TBCCD1: variants seen among roughly 807,000 people sequenced by gnomAD.
TBCCD1 encodes TBCC domain-containing protein 1.
In TBCCD1, 26 loss-of-function variants were observed where a neutral mutation model predicts 53.4. The ratio of observed to expected loss-of-function variants is 0.49; its 90% CI spans 0.36 to 0.68. The LOEUF (loss-of-function observed/expected upper bound fraction) is 0.68. Ranked by LOEUF, TBCCD1 falls within the 30% of genes least tolerant of loss-of-function variation. The probability of loss-of-function intolerance (pLI) is 0.00; values close to 1 mark genes in which losing one functional copy is unlikely to be tolerated. For synonymous variants in TBCCD1, 245 were observed against 241.7 expected, an observed-to-expected ratio of 1.01 and a Z score of -0.13; for missense variants, 558 against 669.5, an observed-to-expected ratio of 0.83 and a Z score of 1.84.
upstream of TBCCD1, among the ~76,000 whole-genome samples, chr3:186,568,675 T>C (rs1011200974): frequency 6.6e-6 from 1 of 151,212 alleles, no homozygotes; most frequent in East Asian, 1.9e-4. Flanking sequence ...CTGAGGCGGG[T>C]GGATCACTTG....
In TBCCD1 at chr3:186,555,054, G is replaced by T. The variant is rs138352030; in HGVS notation, c.890C>A (p.Ala297Asp). Residue 297 changes from alanine to aspartate, a missense_variant, in exon 5 of 8, where the codon GCT (alanine) becomes GAT (aspartate). Coordinates refer to ENST00000338733, the MANE Select transcript of TBCCD1 (RefSeq NM_018138.5). ...CCTAGGGGCCACATGAGTATTACAAGCAATCTTAGCTCTTTTGGTGGTCCC... is the reference window on the plus strand; with the variant it reads ...CCTAGGGGCCACATGAGTATTACAATCAATCTTAGCTCTTTTGGTGGTCCC... Reference protein sequence around the residue: ...VEGTTKRAKIACNTHVAPRMH... With the variant: ...VEGTTKRAKIDCNTHVAPRMH... The T allele has an allele frequency of 3.1e-6, 5 of 1,609,484 alleles. No homozygotes were observed. Among genetic ancestry groups the T allele is most frequent in the Non-Finnish European group, 4.2e-6 (5 of 1,178,480 alleles).
upstream of TBCCD1, among the ~76,000 whole-genome samples, chr3:186,569,387 C>T (rs527734637): frequency 2.8e-3 from 423 of 151,848 alleles, 3 homozygotes; most frequent in African/African-American, 9.7e-3. Flanking sequence ...GGCAGGAACT[C>T]GGCTCACTGC....
upstream of TBCCD1, chr3:186,570,003 T>C: frequency 1.7e-6 from 1 of 596,576 alleles, no homozygotes; most frequent in African/African-American, 1.8e-5. Context: ...TACCGATTTT[T>C]TTCCCTGTTA....
At chr3:186,547,430 T>C (rs751400932) in intron 7 of TBCCD1, among the ~76,000 whole-genome samples, 2 of 151,580 alleles carry the variant, frequency 1.3e-5, no homozygotes, top group Non-Finnish European at 2.9e-5. Flanking sequence ...TAATTTTTAA[T>C]TTTTTTGTAG....
rs1162432509 is a variant in TBCCD1 at position 186,564,217 on chromosome 3, G to GTGGA, written c.109_112dup (p.Thr38IlefsTer44). On this transcript the variant is annotated frameshift_variant, in exon 2 of 8. Transcript: ENST00000338733. LOFTEE classifies it high-confidence loss of function. Reference sequence around the variant, plus strand: ...TTCTGTGGCCCGGATTTGCACATAGGTGGATATCTTCCTGAGATAGTGAAG... The same window carrying GTGGA: ...TTCTGTGGCCCGGATTTGCACATAGGTGGATGGATATCTTCCTGAGATAGTGAAG... 1 of 1,614,194 alleles carries GTGGA rather than the reference G, an allele frequency of 6.2e-7. No individual in the cohort carries two copies. Among genetic ancestry groups the GTGGA allele is most frequent in the South Asian group, 1.1e-5 (1 of 91,084 alleles).
rs1187823478 is a variant in TBCCD1 at position 186,561,651 on chromosome 3, T to C, written c.336+2343A>G. ...AAAAATACACAAAACTAGCCGGGCA[T>C]GGTGGTGGGTGCCTGTAGTCCCAGC... is the stretch of plus-strand genomic sequence containing the variant. On this transcript the variant is annotated intron_variant, in intron 2 of 7. Coordinates refer to ENST00000338733, the MANE Select transcript of TBCCD1 (RefSeq NM_018138.5). Among the ~76,000 whole-genome samples the C allele has an allele frequency of 5.9e-5, 9 of 152,224 alleles. 1 individual carries two copies. In the South Asian group the frequency reaches 1.9e-3, roughly 32 times the overall value.
chr3:186,549,725 C>T (rs950258198), intron 7 of TBCCD1, among the ~76,000 whole-genome samples: 7 of 152,128 alleles, frequency 4.6e-5, no homozygotes, highest in South Asian at 2.1e-4. Context: ...TGTCAAACTG[C>T]CCCCCACAGA....
In TBCCD1 at chr3:186,558,516, C is replaced by G. The variant is rs751617352; in HGVS notation, c.393G>C (p.Lys131Asn). 6.2e-7 allele frequency: 1 copy of G among 1,614,146 alleles called. No homozygotes were observed. Among genetic ancestry groups the G allele is most frequent in the Non-Finnish European group, 8.5e-7 (1 of 1,180,024 alleles). Residue 131 changes from lysine (K) to asparagine (N), a missense_variant, in exon 3 of 8, where the codon AAG (lysine) becomes AAC (asparagine). Transcript: ENST00000338733. ...CAATCAAAGATGTCCTTAGGGAGAC[C>G]TTGTTCAACTGTTGAATGTATAAGA... ...LLFLYIQQLNKVSLRTSLIGE... is the reference protein window; with the variant it reads ...LLFLYIQQLNNVSLRTSLIGE...
upstream of TBCCD1, chr3:186,570,451 C>T (rs192620190): frequency 8.3e-6 from 4 of 484,348 alleles, no homozygotes; most frequent in East Asian, 1.4e-4. Flanking sequence ...CAGGTGCCCT[C>T]ACTCTGACCG....
In TBCCD1 at chr3:186,546,181, T is replaced by G. The variant is rs1408970514; in HGVS notation, c.*796A>C. ...GACTAAAATATAGTATAAAACTATT[T>G]CTATGTCTATATACCAACAAATCAT... On this transcript the variant is annotated 3_prime_UTR_variant, in exon 8 of 8. Transcript: ENST00000338733. The G allele has an allele frequency of 2.0e-5, 3 of 152,218 alleles. No homozygotes were observed. Among genetic ancestry groups the G allele is most frequent in the Non-Finnish European group, 4.4e-5 (3 of 68,038 alleles). 9.4% of individuals were successfully genotyped at this position (152,218 alleles called of 1,614,324 possible). A position where few individuals can be genotyped will look rare whatever the true frequency, so the allele number is the denominator to read the frequency against.
intron 3 of TBCCD1, among the ~76,000 whole-genome samples, chr3:186,557,519 G>A (rs982573688): frequency 2.0e-5 from 3 of 152,138 alleles, no homozygotes; most frequent in East Asian, 3.9e-4. Context: ...TATATAAAGC[G>A]GTAACTATAA....
At chr3:186,550,098 G>C (rs559531959) in intron 7 of TBCCD1, among the ~76,000 whole-genome samples, 1 of 151,858 alleles carries the variant, frequency 6.6e-6, no homozygotes, top group East Asian at 1.9e-4. Flanking sequence ...ACGGTGGTGC[G>C]TGCCTGTAAT....
Position 186,554,766 on chromosome 3 carries a change from A to C in TBCCD1, c.1047-15T>G, listed in dbSNP as rs2108457413. Reference sequence around the variant, plus strand: ...TTGTCACAGATCTGAAAAAAGGAAAAAATGAGGTAAAGTCCTCTGAATAAG... The same window carrying C: ...TTGTCACAGATCTGAAAAAAGGAAACAATGAGGTAAAGTCCTCTGAATAAG... On this transcript the variant is annotated splice_polypyrimidine_tract_variant and intron_variant, in intron 5 of 7. Transcript: ENST00000338733. 6.2e-7 allele frequency: 1 copy of C among 1,603,582 alleles called. No individual in the cohort carries two copies. Among genetic ancestry groups the C allele is most frequent in the South Asian group, 1.1e-5 (1 of 88,396 alleles).
At position 186,556,637 on chromosome 3, in the gene TBCCD1, C is replaced by T. The variant is rs1237952908; in HGVS notation, c.631G>A (p.Ala211Thr). The T allele has an allele frequency of 6.2e-7, 1 of 1,614,104 alleles. No individual in the cohort carries two copies. Reference sequence around the variant, plus strand: ...GTACCTTCAATAAGGAAGCTGAGCGCCACAACAGCTTCTCGAGACACTAGA... The same window carrying T: ...GTACCTTCAATAAGGAAGCTGAGCGTCACAACAGCTTCTCGAGACACTAGA... ...SSLVSREAVV[A>T]LSFLIEGTIS... The change falls in exon 4 of 8, where the codon GCG (alanine) becomes ACG (threonine). Residue 211 changes from alanine to threonine, a missense_variant. Coordinates refer to ENST00000338733, the MANE Select transcript of TBCCD1 (RefSeq NM_018138.5).
chr3:186,559,157 T>C (rs1560227724), intron 2 of TBCCD1, among the ~76,000 whole-genome samples: 1 of 152,202 alleles, frequency 6.6e-6, no homozygotes, highest in African/African-American at 2.4e-5. Context: ...TAGTACATAC[T>C]TTAAGTACAT....
chr3:186,549,254 C>T (rs1165472965), intron 7 of TBCCD1, among the ~76,000 whole-genome samples: 3 of 152,100 alleles, frequency 2.0e-5, no homozygotes, highest in African/African-American at 7.2e-5. Flanking sequence ...CACCACTGCA[C>T]TCCAGTTTGG....
chr3:186,551,116 T>C lies in TBCCD1; in HGVS notation c.*21+13A>G. On this transcript the variant is annotated intron_variant, in intron 7 of 7. Coordinates refer to ENST00000338733, the MANE Select transcript of TBCCD1 (RefSeq NM_018138.5). ...CCCCAAAAGAATCTGTTTTAAGTGG[T>C]ATAAATGCCTACCAGTGTCTGCATG... 6.2e-7 allele frequency: 1 copy of C among 1,602,392 alleles called. No individual in the cohort carries two copies. Among genetic ancestry groups the C allele is most frequent in the South Asian group, 1.1e-5 (1 of 88,786 alleles).
upstream of TBCCD1, among the ~76,000 whole-genome samples, chr3:186,569,343 G>A (rs1714940373): frequency 9.3e-6 from 1 of 107,114 alleles, no homozygotes; most frequent in South Asian, 2.9e-4. Context: ...TTTTGAAACG[G>A]TGTGTCACTC....
In TBCCD1 at chr3:186,556,550, C is replaced by T. The variant is rs560446512; in HGVS notation, c.718G>A (p.Ala240Thr). The T allele has an allele frequency of 1.2e-6, 2 of 1,613,974 alleles. No homozygotes were observed. The highest frequency in any genetic ancestry group is 3.3e-5 in the Admixed American group (2 of 59,984). Residue 240 changes from alanine to threonine, a missense_variant, in exon 4 of 8, where the codon GCA becomes ACA. By Grantham distance (58) the Ala-to-Thr change is moderately conservative (BLOSUM62 0). Transcript: ENST00000338733. The part of the protein sequence containing the change: ...HELALWQPLH[A>T]DSGFSKISKT... ...GAGATCTTTGAGAAGCCACTATCTG[C>T]ATGCAGTGGTTGCCACAGTGCAAGT...
Sources: gnomAD v4.1 joint callset for allele counts (sites outside exome capture counted in the v4.1 genomes callset) on GRCh38, gnomAD v4.1.1 for gene constraint, MANE v1.5 for transcripts, NCBI Gene and HGNC (gene_info 2026-07-23, HGNC 2026-07-21) for gene names.